Variants in LRP1B observed in about 807,000 individuals in gnomAD.
The protein encoded by LRP1B is low-density lipoprotein receptor-related protein 1B.
In LRP1B, 217 loss-of-function variants were observed where a neutral mutation model predicts 556.6. The ratio of observed to expected loss-of-function variants is 0.39; its 90% CI spans 0.35 to 0.44. The LOEUF (loss-of-function observed/expected upper bound fraction) is 0.44. Among genes scored for constraint, LRP1B ranks in the 20% least tolerant of loss-of-function variants. LRP1B has a pLI of 1.00. For missense variants in LRP1B, 5,053 were observed against 5,620.8 expected (o/e 0.90, Z 3.23); for synonymous variants, 2,047 against 1,865.8 (o/e 1.10, Z -2.50).
chr2:141,045,844 A>T (rs778745839), intron 11 of LRP1B, among the ~76,000 whole-genome samples: 2 of 152,180 alleles, frequency 1.3e-5, no homozygotes, highest in Non-Finnish European at 2.9e-5. Context: ...TTTGACAAAG[A>T]TTCCAGGTGG....
intron 66 of LRP1B, among the ~76,000 whole-genome samples, chr2:140,405,677 A>G (rs186210501): frequency 4.6e-5 from 7 of 152,316 alleles, no homozygotes; most frequent in Admixed American, 2.0e-4. Context: ...GAACAGACCA[A>G]TAACAAGCTG....
At chr2:140,746,978 G>T (rs999317180) in intron 35 of LRP1B, among the ~76,000 whole-genome samples, 1 of 152,076 alleles carries the variant, frequency 6.6e-6, no homozygotes, top group African/African-American at 2.4e-5. Flanking sequence ...AAAACATGGT[G>T]AAGTAGAAAA....
intron 2 of LRP1B, among the ~76,000 whole-genome samples, chr2:141,758,572 G>T (rs767940915): frequency 9.9e-5 from 15 of 151,844 alleles, no homozygotes; most frequent in African/African-American, 3.4e-4. Flanking sequence ...ACAAAATCTT[G>T]AACAAAACTC....
intron 66 of LRP1B, among the ~76,000 whole-genome samples, chr2:140,420,960 T>C (rs1367348800): frequency 6.8e-6 from 1 of 146,080 alleles, no homozygotes; most frequent in Non-Finnish European, 1.5e-5. Flanking sequence ...ATTTTAAATA[T>C]GTGTGGTTTC....
chr2:140,416,237 C>T (rs1282930610), intron 66 of LRP1B, among the ~76,000 whole-genome samples: 1 of 152,180 alleles, frequency 6.6e-6, no homozygotes, highest in Non-Finnish European at 1.5e-5. Context: ...TTGACCATTC[C>T]TTAGGATAAT....
chr2:140,660,773 A>C (rs1389796771), intron 41 of LRP1B, among the ~76,000 whole-genome samples: 1 of 152,120 alleles, frequency 6.6e-6, no homozygotes, highest in African/African-American at 2.4e-5. Flanking sequence ...ATATTTGGTA[A>C]CTGTACATGT....
At chr2:142,014,479 T>C (rs979988315) in intron 1 of LRP1B, among the ~76,000 whole-genome samples, 1 of 152,100 alleles carries the variant, frequency 6.6e-6, no homozygotes, top group African/African-American at 2.4e-5. Context: ...AAAGAGTAGT[T>C]GAAACTTTGA....
chr2:141,306,865 A>G (rs971416289), intron 3 of LRP1B, among the ~76,000 whole-genome samples: 1 of 152,076 alleles, frequency 6.6e-6, no homozygotes, highest in Non-Finnish European at 1.5e-5. Flanking sequence ...CCTTTGACCC[A>G]GGGGTCACTC....
intron 43 of LRP1B, among the ~76,000 whole-genome samples, chr2:140,591,551 C>T (rs149201779): frequency 1.6e-4 from 25 of 152,280 alleles, no homozygotes; most frequent in East Asian, 9.7e-4. Flanking sequence ...ATTCCTTCTA[C>T]GACTTTGGAA....
rs145553150 is a variant in LRP1B, at chr2:141,663,100, C to T, written c.205+147179G>A. On this transcript the variant is annotated intron_variant, in intron 2 of 90. Transcript: ENST00000389484. ...TCCTGAATGACTCCTGGGTAAATAA[C>T]GAAATTAAGGCAGAAATCAAGTTGT... Among the ~76,000 whole-genome samples, 670 of 152,130 alleles carry T rather than the reference C, an allele frequency of 4.4e-3. 16 individuals carry two copies. The East Asian group carries it at 0.076, about 17-fold the overall frequency.
chr2:141,341,125 A>G (rs1437248218), intron 3 of LRP1B, among the ~76,000 whole-genome samples: 3 of 152,210 alleles, frequency 2.0e-5, no homozygotes, highest in African/African-American at 7.2e-5. Context: ...CTATGCATTA[A>G]GTATGATTGA....
chr2:141,621,376 T>C (rs955664920), intron 2 of LRP1B, among the ~76,000 whole-genome samples: 13 of 152,158 alleles, frequency 8.5e-5, no homozygotes, highest in Admixed American at 3.9e-4. Flanking sequence ...TTAAGATAAA[T>C]GACTTGATAA....
rs1369407073 is a variant in LRP1B at position 141,037,897 on chromosome 2, CACAT to C, written c.1789+11085_1789+11088del. Among the ~76,000 whole-genome samples, 7 of 144,862 alleles carry C rather than the reference CACAT, an allele frequency of 4.8e-5. 1 individual carries two copies. The South Asian group carries it at 1.1e-3, about 23-fold the overall frequency. On this transcript the variant is annotated intron_variant, in intron 11 of 90. Coordinates refer to ENST00000389484, the MANE Select transcript of LRP1B (RefSeq NM_018557.3). ...GCGCACGTGCATGTACACACACACTCACATACAAACACACACACACACATCCATA... is the reference window on the plus strand; with the variant it reads ...GCGCACGTGCATGTACACACACACTCACAAACACACACACACACATCCATA...
intron 5 of LRP1B, among the ~76,000 whole-genome samples, chr2:141,236,681 G>A (rs1683657248): frequency 6.6e-6 from 1 of 152,158 alleles, no homozygotes; most frequent in Admixed American, 6.6e-5. Context: ...GTACGTTGAG[G>A]TAAAATGGAA....
chr2:140,389,709 TTATA>T (rs1186829652), intron 66 of LRP1B, among the ~76,000 whole-genome samples: 1 of 145,376 alleles, frequency 6.9e-6, no homozygotes, highest in African/African-American at 2.5e-5. Flanking sequence ...TTCCAAAGTT[TTATA>T]TATATATAGT....
intron 27 of LRP1B, among the ~76,000 whole-genome samples, chr2:140,856,761 AC>A (rs1246926480): frequency 9.9e-5 from 15 of 151,200 alleles, no homozygotes; most frequent in African/African-American, 3.2e-4. Context: ...ACACACACAC[AC>A]ACACACACAC....
intron 2 of LRP1B, among the ~76,000 whole-genome samples, chr2:141,721,130 A>G (rs1692796505): frequency 6.6e-6 from 1 of 152,172 alleles, no homozygotes; most frequent in African/African-American, 2.4e-5. Context: ...ATCCTTCACA[A>G]GCAAAGGGGA....
chr2:140,945,211 A>G (rs765946023), intron 20 of LRP1B, among the ~76,000 whole-genome samples: 28 of 152,188 alleles, frequency 1.8e-4, no homozygotes, highest in Non-Finnish European at 3.1e-4. Flanking sequence ...GAAAGAAATT[A>G]GAGATGACAC....
At position 140,598,829 on chromosome 2, in the gene LRP1B, C is replaced by T. The variant is rs749079635; in HGVS notation, c.6996G>A (p.Met2332Ile). The T allele has an allele frequency of 6.3e-7, 1 of 1,587,360 alleles. No homozygotes were observed. The highest frequency in any genetic ancestry group is 8.6e-7 in the Non-Finnish European group (1 of 1,157,130). Reference sequence around the variant, plus strand: ...GTTGTTCATTCCAGTTGGTCCAAAACATTAAACTAATTAAAATGAAAATTG... The same window carrying T: ...GTTGTTCATTCCAGTTGGTCCAAAATATTAAACTAATTAAAATGAAAATTG... Reference protein sequence around the residue: ...VLALDECQNLMFWTNWNEQHP... With the variant: ...VLALDECQNLIFWTNWNEQHP... The change falls in exon 43 of 91, where the codon ATG becomes ATA. Residue 2332 changes from methionine (M) to isoleucine (I), a missense_variant. This residue lies in a region of LRP1B where 3,619 missense variants were observed against 3,931.9 expected (regional missense o/e 0.92). Coordinates refer to ENST00000389484, the MANE Select transcript of LRP1B (RefSeq NM_018557.3).
Sources: gnomAD v4.1 joint callset for allele counts (sites outside exome capture counted in the v4.1 genomes callset) on GRCh38, gnomAD v4.1.1 for gene constraint, gnomAD v4.1.1 regional missense constraint, MANE v1.5 for transcripts, NCBI Gene and HGNC (gene_info 2026-07-23, HGNC 2026-07-21) for gene names.